The following ABCC5 variants were observed in gnomAD, a reference collection of about 807,000 sequenced individuals.
ABCC5 encodes the protein ATP binding cassette subfamily C member 5.
A neutral mutation model predicts 160.9 loss-of-function variants in ABCC5; 61 were observed. The observed-to-expected ratio is 0.38, with a 90% CI of 0.31 to 0.47. ABCC5 has a LOEUF of 0.47. Ranked by LOEUF, ABCC5 falls within the 20% of genes least tolerant of loss-of-function variation. The pLI, the probability that ABCC5 is intolerant of heterozygous loss-of-function variation, is 0.99. For synonymous variants in ABCC5, 666 were observed against 700.6 expected (o/e 0.95, Z 0.78); for missense variants, 1,308 against 1,813.3 (o/e 0.72, Z 5.06).
At chr3:183,962,850 G>A (rs1389442491) in intron 15 of ABCC5, among the ~76,000 whole-genome samples, 2 of 152,110 alleles carry the variant, frequency 1.3e-5, no homozygotes, top group Non-Finnish European at 2.9e-5. Context: ...ACATGAATCT[G>A]CTGATGGAGC....
intron 10 of ABCC5, among the ~76,000 whole-genome samples, chr3:183,974,043 G>A (rs1327986960): frequency 6.6e-6 from 1 of 152,176 alleles, no homozygotes; most frequent in Non-Finnish European, 1.5e-5. Flanking sequence ...GTGCTAAGAG[G>A]CAGAGAAGGG....
In ABCC5 at chr3:183,988,358, G is replaced by A. The variant is rs1719411961; in HGVS notation, c.443+214C>T. Among the ~76,000 whole-genome samples the A allele has an allele frequency of 6.6e-6, 1 of 152,222 alleles. No individual in the cohort carries two copies. The highest frequency in any genetic ancestry group is 6.5e-5 in the Admixed American group (1 of 15,276). ...CCTGCAGACTCAGGAAGAGAAGCGGGGCTGAGAGAGAGAGAGAAAGCCCGT... is the reference window on the plus strand; with the variant it reads ...CCTGCAGACTCAGGAAGAGAAGCGGAGCTGAGAGAGAGAGAGAAAGCCCGT... On this transcript the variant is annotated intron_variant, in intron 4 of 29. Coordinates refer to ENST00000334444, the MANE Select transcript of ABCC5 (RefSeq NM_005688.4). This position sits in a 1 kb window ranked among gnomAD's most constrained non-coding sequence, Gnocchi z 4.4.
rs554862762 is a variant in ABCC5 at position 183,936,151 on chromosome 3, G to A, written c.3854+1750C>T. ...GAGACACAAGAGCTCTCCTTTCCGC[G>A]GGCACACACCACAGGCATGCACCAC... On this transcript the variant is annotated intron_variant, in intron 26 of 29. Transcript: ENST00000334444. Among the ~76,000 whole-genome samples the A allele has an allele frequency of 7.2e-5, 11 of 152,084 alleles. No individual in the cohort carries two copies. The South Asian group carries it at 1.7e-3, about 23-fold the overall frequency.
At chr3:184,009,922 G>A (rs910520582) in intron 2 of ABCC5, 6 of 423,578 alleles carry the variant, frequency 1.4e-5, no homozygotes, top group Non-Finnish European at 2.9e-5. Flanking sequence ...GCTGAGGCGG[G>A]AGGCTTGCTT....
At chr3:184,014,222 G>C in intron 2 of ABCC5, 42 bp downstream of exon 2, 1 of 1,575,274 alleles carries the variant, frequency 6.3e-7, no homozygotes, top group Non-Finnish European at 8.7e-7. Context: ...ATGTGTTTTA[G>C]TACAACAAGC....
At position 183,987,839 on chromosome 3, in the gene ABCC5, G is replaced by A; in HGVS notation, c.522C>T (p.Phe174=). The A allele has an allele frequency of 6.2e-7, 1 of 1,613,864 alleles. No homozygotes were observed. The highest frequency in any genetic ancestry group is 8.5e-7 in the Non-Finnish European group (1 of 1,179,932). ...TGGACAGGATGAGCCTGGTGCGGCAGAAGATCCACACAACCCTTCGCAGGG... is the reference window on the plus strand; with the variant it reads ...TGGACAGGATGAGCCTGGTGCGGCAAAAGATCCACACAACCCTTCGCAGGG... ...AASLRRVVWI[F]CRTRLILSIV... Residue 174 remains phenylalanine, a synonymous_variant, in exon 5 of 30, where the codon TTC becomes TTT. Coordinates refer to ENST00000334444, the MANE Select transcript of ABCC5 (RefSeq NM_005688.4). The surrounding 1 kb of genome is among the most constrained non-coding windows in gnomAD (Gnocchi z 4.2).
chr3:183,944,570 A>C (rs915605887), intron 24 of ABCC5, among the ~76,000 whole-genome samples: 1 of 152,214 alleles, frequency 6.6e-6, no homozygotes, highest in Non-Finnish European at 1.5e-5. Flanking sequence ...ATAACTCTTA[A>C]GAATTGAGTT....
intron 11 of ABCC5, 103 bp from the exon 12 acceptor site, chr3:183,967,869 C>G: frequency 1.1e-6 from 1 of 937,236 alleles, no homozygotes; most frequent in Non-Finnish European, 1.7e-6. Context: ...CCATACAGAA[C>G]TGTCACCCTG....
intron 29 of ABCC5, among the ~76,000 whole-genome samples, 196 bp downstream of exon 29, chr3:183,925,354 GTAAAA>G (rs1269404620): frequency 3.9e-5 from 6 of 152,342 alleles, no homozygotes; most frequent in Non-Finnish European, 7.3e-5. Context: ...AATTAGTAAA[GTAAAA>G]TGAGAACCCC....
At chr3:183,941,117 C>A (rs1435912309) in intron 25 of ABCC5, among the ~76,000 whole-genome samples, 1 of 152,236 alleles carries the variant, frequency 6.6e-6, no homozygotes, top group South Asian at 2.1e-4. Flanking sequence ...GCCTGGGCCT[C>A]CCAGAGTGCT....
At chr3:183,925,503 G>A in intron 29 of ABCC5, 52 bp downstream of exon 29, 5 of 1,597,182 alleles carry the variant, frequency 3.1e-6, no homozygotes, top group Non-Finnish European at 4.3e-6. Flanking sequence ...CCCTGCCAGG[G>A]GCCAGTTTCC....
In ABCC5 at chr3:184,014,443, A is replaced by C; in HGVS notation, c.-51T>G. On this transcript the variant is annotated 5_prime_UTR_variant, in exon 2 of 30. In the 5' UTR this introduces an upstream ATG that the reference lacks. Transcript: ENST00000334444. Reference sequence around the variant, plus strand: ...TCACAGACTGTTAGTTTCACATCAGAATTCCTGAAATTAAAAATTCATCAA... The same window carrying C: ...TCACAGACTGTTAGTTTCACATCAGCATTCCTGAAATTAAAAATTCATCAA... 6.5e-7 allele frequency: 1 copy of C among 1,545,886 alleles called. No homozygotes were observed. The highest frequency in any genetic ancestry group is 1.4e-5 in the African/African-American group (1 of 71,824).
At chr3:183,924,351 T>C (rs928533192) in intron 29 of ABCC5, among the ~76,000 whole-genome samples, 5 of 152,124 alleles carry the variant, frequency 3.3e-5, no homozygotes, top group African/African-American at 1.2e-4. Flanking sequence ...TCCCTGAGAC[T>C]TTGTCTCCTC....
Position 183,949,843 on chromosome 3 carries a change from G to C in ABCC5, c.3137C>G (p.Thr1046Arg). 1.2e-6 allele frequency: 2 copies of C among 1,614,214 alleles called. No homozygotes were observed. Reference sequence around the variant, plus strand: ...GATGTGGGAGAGGAAAGGTGACTGCGTGATATTGTCCAGACGCTTCAGCTC... The same window carrying C: ...GATGTGGGAGAGGAAAGGTGACTGCCTGATATTGTCCAGACGCTTCAGCTC... ...IRELKRLDNI[T>R]QSPFLSHITS... is the part of the protein sequence containing the mutation. Residue 1046 changes from threonine (T) to arginine (R), a missense_variant, in exon 22 of 30, where the codon ACG becomes AGG. This residue lies in a region of ABCC5 where 1,142 missense variants were observed against 1,527.1 expected (regional missense o/e 0.75). Coordinates refer to ENST00000334444, the MANE Select transcript of ABCC5 (RefSeq NM_005688.4). The surrounding 1 kb of genome is among the most constrained non-coding windows in gnomAD (Gnocchi z 4.2).
chr3:183,975,644 T>A (rs1256221028), intron 10 of ABCC5, among the ~76,000 whole-genome samples: 1 of 151,770 alleles, frequency 6.6e-6, no homozygotes, highest in Admixed American at 6.6e-5. Flanking sequence ...AGGCTGGCCA[T>A]AAATACTTGT....
intron 25 of ABCC5, among the ~76,000 whole-genome samples, chr3:183,942,280 C>T (rs879912384): frequency 3.3e-5 from 5 of 152,088 alleles, no homozygotes; most frequent in Non-Finnish European, 5.9e-5. Flanking sequence ...GTGATCCACC[C>T]GCCTCGCCCT....
At chr3:183,944,327 C>T (rs558897535) in intron 24 of ABCC5, among the ~76,000 whole-genome samples, 8 of 151,538 alleles carry the variant, frequency 5.3e-5, no homozygotes, top group African/African-American at 1.7e-4. Flanking sequence ...CCTGGGAGAT[C>T]GAGGCTGGAC....
At chr3:183,939,709 T>C (rs1165441587) in intron 25 of ABCC5, among the ~76,000 whole-genome samples, 1 of 152,218 alleles carries the variant, frequency 6.6e-6, no homozygotes, top group Non-Finnish European at 1.5e-5. Context: ...TAAAAGGTGC[T>C]CTCTCTACAG....
At chr3:184,012,816 A>G (rs1356676416) in intron 2 of ABCC5, among the ~76,000 whole-genome samples, 3 of 152,238 alleles carry the variant, frequency 2.0e-5, no homozygotes, top group Non-Finnish European at 2.9e-5. Flanking sequence ...CTGAATGGAA[A>G]AGCATTCTAT....
Sources: gnomAD v4.1 joint callset for allele counts (sites outside exome capture counted in the v4.1 genomes callset) on GRCh38, gnomAD v4.1.1 for gene constraint, gnomAD v4.1.1 regional missense constraint, Gnocchi (gnomAD v3.1) non-coding constraint, MANE v1.5 for transcripts, NCBI Gene and HGNC (gene_info 2026-07-23, HGNC 2026-07-21) for gene names.